Variants in RAB27B observed in about 807,000 individuals in gnomAD.
The protein encoded by RAB27B is ras-related protein Rab-27B.
In RAB27B, 15 loss-of-function variants were observed where a neutral mutation model predicts 24.6. The ratio of observed to expected loss-of-function variants is 0.61; its 90% CI spans 0.41 to 0.94. The LOEUF (loss-of-function observed/expected upper bound fraction) is 0.94, where lower values mean the gene tolerates loss of function less well. RAB27B is among the 40% of genes least tolerant of loss of function. RAB27B has a pLI of 0.00. For synonymous variants in RAB27B, 105 were observed against 92.5 expected, an observed-to-expected ratio of 1.14 and a Z score of -0.78; for missense variants, 261 against 266.8, an observed-to-expected ratio of 0.98 and a Z score of 0.15.
At chr18:54,763,210 G>A (rs1908248074) in intron 2 of RAB27B, among the ~76,000 whole-genome samples, 1 of 152,200 alleles carries the variant, frequency 6.6e-6, no homozygotes, top group Non-Finnish European at 1.5e-5. Flanking sequence ...TAAAGTGAGA[G>A]TATTATGGTT....
intron 1 of RAB27B, among the ~76,000 whole-genome samples, chr18:54,866,018 T>A (rs1204797770): frequency 6.6e-6 from 1 of 151,984 alleles, no homozygotes; most frequent in African/African-American, 2.4e-5. Flanking sequence ...TTCTAAACTT[T>A]AAAAAATAAA....
Position 54,889,421 on chromosome 18 carries a change from A to T in RAB27B, c.*8A>T, listed in dbSNP as rs555205228. 1 of 1,596,708 alleles carries T rather than the reference A, an allele frequency of 6.3e-7. No individual in the cohort carries two copies. Among genetic ancestry groups the T allele is most frequent in the East Asian group, 2.2e-5 (1 of 44,628 alleles). ...AAGAAATGTATCTGCTAGACTCTAC[A>T]TAGAAACTGAACATCAAGAACCCCA... On this transcript the variant is annotated 3_prime_UTR_variant, in exon 6 of 6. Transcript: ENST00000262094.
chr18:54,796,124 G>A (rs1008283324), intron 2 of RAB27B, among the ~76,000 whole-genome samples: 4 of 152,136 alleles, frequency 2.6e-5, no homozygotes, highest in Non-Finnish European at 5.9e-5. Context: ...TGTGTGACAG[G>A]GGTGGCTCGC....
chr18:54,891,331 C>T lies in RAB27B; in HGVS notation c.*1918C>T, dbSNP rs1913361889. The T allele has an allele frequency of 6.6e-6, 1 of 151,100 alleles. No homozygotes were observed. Among genetic ancestry groups the T allele is most frequent in the Non-Finnish European group, 1.5e-5 (1 of 68,018 alleles). 9.4% of individuals were successfully genotyped at this position (151,100 alleles called of 1,614,324 possible). ...ATTCTCAGCATTAACTGGCCAGCTCCTCTGATTTCTGCAGCATCGCAACAG... is the reference window on the plus strand; with the variant it reads ...ATTCTCAGCATTAACTGGCCAGCTCTTCTGATTTCTGCAGCATCGCAACAG... On this transcript the variant is annotated 3_prime_UTR_variant, in exon 6 of 6. Coordinates refer to ENST00000262094, the MANE Select transcript of RAB27B (RefSeq NM_004163.4).
At chr18:54,837,775 A>ATT (rs1453946309) in intron 1 of RAB27B, among the ~76,000 whole-genome samples, 1 of 152,158 alleles carries the variant, frequency 6.6e-6, no homozygotes, top group African/African-American at 2.4e-5. Context: ...TATATATCTA[A>ATT]TTATATATAT....
chr18:54,888,110 C>G lies in RAB27B; in HGVS notation c.459C>G (p.Asp153Glu). The change falls in exon 5 of 6, where the codon GAC becomes GAG. Residue 153 changes from aspartate to glutamate, a missense_variant. Physicochemically the swap from Asp to Glu is conservative, Grantham distance 45 (BLOSUM62 2). Transcript: ENST00000262094. ...AACGGCAAGCTCGGGAACTGGCTGA[C>G]AAATATGGGTAAGTCAGTTACACTG... Reference protein sequence around the residue: ...VNERQARELADKYGIPYFETS... With the variant: ...VNERQARELAEKYGIPYFETS... 1 of 1,612,390 alleles carries G rather than the reference C, an allele frequency of 6.2e-7. No individual in the cohort carries two copies. The highest frequency in any genetic ancestry group is 8.5e-7 in the Non-Finnish European group (1 of 1,179,000).
chr18:54,731,840 TA>T (rs1428255978), intron 2 of RAB27B, among the ~76,000 whole-genome samples: 1 of 152,214 alleles, frequency 6.6e-6, no homozygotes, highest in Non-Finnish European at 1.5e-5. Context: ...CTCACAATGT[TA>T]AAAAATTATT....
chr18:54,807,950 A>G (rs2145143647), intron 2 of RAB27B, among the ~76,000 whole-genome samples: 1 of 152,214 alleles, frequency 6.6e-6, no homozygotes. Context: ...GGTCTTTTAG[A>G]TCTTGTTGTC....
intron 2 of RAB27B, among the ~76,000 whole-genome samples, chr18:54,797,526 A>G (rs1280814952): frequency 1.3e-5 from 2 of 152,198 alleles, no homozygotes; most frequent in Non-Finnish European, 2.9e-5. Flanking sequence ...AATAAAAGAT[A>G]AGATATAAAA....
chr18:54,776,097 G>A (rs903325706), intron 2 of RAB27B, among the ~76,000 whole-genome samples: 14 of 152,196 alleles, frequency 9.2e-5, no homozygotes, highest in African/African-American at 2.7e-4. Flanking sequence ...TTTGCTTGGC[G>A]GTGTTTTTTG....
chr18:54,816,258 A>G (rs1910117601), intron 2 of RAB27B, among the ~76,000 whole-genome samples: 1 of 152,350 alleles, frequency 6.6e-6, no homozygotes, highest in Admixed American at 6.5e-5. Flanking sequence ...TGAGGGTATA[A>G]GGCGAAGGCC....
intron 2 of RAB27B, among the ~76,000 whole-genome samples, chr18:54,810,087 A>G (rs1909915394): frequency 6.6e-6 from 1 of 152,222 alleles, no homozygotes; most frequent in Non-Finnish European, 1.5e-5. Context: ...CTCAACATAT[A>G]CAAAGAAGAA....
At chr18:54,806,775 T>A (rs1909804006) in intron 2 of RAB27B, among the ~76,000 whole-genome samples, 1 of 152,010 alleles carries the variant, frequency 6.6e-6, no homozygotes, top group East Asian at 1.9e-4. Flanking sequence ...AGAAAAACAT[T>A]CAAAAAAAAT....
At chr18:54,755,812 G>A (rs968325963) in intron 2 of RAB27B, among the ~76,000 whole-genome samples, 3 of 152,200 alleles carry the variant, frequency 2.0e-5, no homozygotes, top group African/African-American at 7.2e-5. Context: ...TCAAATGAAT[G>A]TGTAGGAAAA....
In RAB27B at chr18:54,853,397, T is replaced by TG. The variant is rs529780943; in HGVS notation, c.-19-24169dup. Reference sequence around the variant, plus strand: ...TCATTGAATTTCAGAGAGAACTTGATGCCTGGCAGTCTATGGCAAGTTGTG... The same window carrying TG: ...TCATTGAATTTCAGAGAGAACTTGATGGCCTGGCAGTCTATGGCAAGTTGTG... On this transcript the variant is annotated intron_variant, in intron 1 of 5. Coordinates refer to ENST00000262094, the MANE Select transcript of RAB27B (RefSeq NM_004163.4). Among the ~76,000 whole-genome samples, 3 of 152,310 alleles carry TG rather than the reference T, an allele frequency of 2.0e-5. No individual in the cohort carries two copies. The South Asian group carries it at 6.2e-4, about 32-fold the overall frequency.
At chr18:54,809,902 T>A (rs1909909044) in intron 2 of RAB27B, among the ~76,000 whole-genome samples, 1 of 152,238 alleles carries the variant, frequency 6.6e-6, no homozygotes, top group Non-Finnish European at 1.5e-5. Context: ...ATATTTTGAA[T>A]TGTGCTGACT....
intron 2 of RAB27B, among the ~76,000 whole-genome samples, chr18:54,749,395 C>G (rs1456666028): frequency 6.6e-6 from 1 of 152,138 alleles, no homozygotes; most frequent in Non-Finnish European, 1.5e-5. Context: ...GGCAGCTTGA[C>G]TTCACCAAAG....
At chr18:54,760,757 C>T (rs553764445) in intron 2 of RAB27B, among the ~76,000 whole-genome samples, 1 of 152,234 alleles carries the variant, frequency 6.6e-6, no homozygotes, top group African/African-American at 2.4e-5. Context: ...CAATTCTCTT[C>T]AGGCAGAGCT....
intron 2 of RAB27B, among the ~76,000 whole-genome samples, chr18:54,822,779 A>T (rs1326118792): frequency 2.0e-5 from 3 of 152,134 alleles, no homozygotes; most frequent in South Asian, 2.1e-4. Flanking sequence ...TTTAATAAAG[A>T]TGTCAAATAT....
Sources: gnomAD v4.1 joint callset for allele counts (sites outside exome capture counted in the v4.1 genomes callset) on GRCh38, gnomAD v4.1.1 for gene constraint, MANE v1.5 for transcripts, NCBI Gene and HGNC (gene_info 2026-07-23, HGNC 2026-07-21) for gene names.